Variants in ANKS1B observed in about 807,000 individuals in gnomAD.
ANKS1B encodes ankyrin repeat and sterile alpha motif domain containing 1B.
ANKS1B carries 36 observed loss-of-function variants against 148.3 expected under a neutral mutation model. That is an observed-to-expected ratio of 0.24 (90% CI 0.19 to 0.32). The LOEUF is 0.32. ANKS1B is among the 10% of genes least tolerant of loss of function. The pLI, the probability that ANKS1B is intolerant of heterozygous loss-of-function variation, is 1.00. For missense variants in ANKS1B, 1,157 were observed against 1,542.6 expected (o/e 0.75, Z 4.19); for synonymous variants, 542 against 560.8 (o/e 0.97, Z 0.47).
At chr12:98,811,508 T>C (rs1181476742) in intron 19 of ANKS1B, among the ~76,000 whole-genome samples, 2 of 152,160 alleles carry the variant, frequency 1.3e-5, no homozygotes, top group Non-Finnish European at 2.9e-5. Flanking sequence ...CAATTATGGA[T>C]ACCAAGGCCA....
At chr12:99,178,759 T>G (rs2078724033) in intron 14 of ANKS1B, among the ~76,000 whole-genome samples, 1 of 152,176 alleles carries the variant, frequency 6.6e-6, no homozygotes, top group South Asian at 2.1e-4. Flanking sequence ...CTTAAGACCA[T>G]TCATGTAATA....
At chr12:99,347,532 G>GT (rs34884719) in intron 12 of ANKS1B, among the ~76,000 whole-genome samples, 1 of 152,042 alleles carries the variant, frequency 6.6e-6, no homozygotes, top group Non-Finnish European at 1.5e-5. Context: ...ACAGAGCCCA[G>GT]TTGCAAAGAC....
At chr12:99,355,625 G>A (rs1032440008) in intron 12 of ANKS1B, among the ~76,000 whole-genome samples, 14 of 152,064 alleles carry the variant, frequency 9.2e-5, no homozygotes, top group Admixed American at 1.3e-4. Flanking sequence ...TACATTTGTC[G>A]TTTTGTCTTC....
rs185427464 is a variant in ANKS1B, at chr12:98,802,224, C to A, written c.3142-1099G>T. Among the ~76,000 whole-genome samples the A allele has an allele frequency of 3.9e-5, 6 of 152,232 alleles. No homozygotes were observed. In the East Asian group the frequency reaches 7.7e-4, roughly 20 times the overall value. ...GAGTGTAAAAAGGTCTCATAAACTC[C>A]AAAATCAAATAAAACCTTGGTTAGA... is the stretch of plus-strand genomic sequence containing the variant. On this transcript the variant is annotated intron_variant, in intron 20 of 26. Transcript: ENST00000683438.
Position 99,941,311 on chromosome 12 carries a change from A to C in ANKS1B, c.134+42793T>G, listed in dbSNP as rs116106073. Among the ~76,000 whole-genome samples the C allele has an allele frequency of 4.0e-3, 611 of 152,246 alleles. 4 individuals carry two copies. The highest frequency in any genetic ancestry group is 0.014 in the African/African-American group (580 of 41,568). ...AGATCTTTATGGAATGTAGTGACAT[A>C]ACTAGATCTGTGCTTTCAAAAGTAT... On this transcript the variant is annotated intron_variant, in intron 1 of 26. Transcript: ENST00000683438.
At chr12:99,068,075 G>A (rs2045023957) in intron 16 of ANKS1B, among the ~76,000 whole-genome samples, 1 of 151,890 alleles carries the variant, frequency 6.6e-6, no homozygotes, top group Non-Finnish European at 1.5e-5. Flanking sequence ...TGCATCATAT[G>A]TATAACATCA....
At chr12:99,843,880 A>T (rs995485761) in intron 1 of ANKS1B, among the ~76,000 whole-genome samples, 1 of 152,110 alleles carries the variant, frequency 6.6e-6, no homozygotes, top group Non-Finnish European at 1.5e-5. Flanking sequence ...CAGCAGTGTA[A>T]AAGCATTCCT....
chr12:99,316,418 C>G (rs1456536156), intron 12 of ANKS1B, among the ~76,000 whole-genome samples: 1 of 152,060 alleles, frequency 6.6e-6, no homozygotes, highest in Non-Finnish European at 1.5e-5. Context: ...TCTCTGATAC[C>G]CAGTGATGAT....
At chr12:98,777,237 T>G (rs1048795769) in intron 24 of ANKS1B, among the ~76,000 whole-genome samples, 1 of 152,154 alleles carries the variant, frequency 6.6e-6, no homozygotes, top group Non-Finnish European at 1.5e-5. Flanking sequence ...AACAGGCACT[T>G]GTTTAGGCAA....
chr12:99,118,405 C>T (rs1239814428), intron 15 of ANKS1B, among the ~76,000 whole-genome samples: 1 of 152,154 alleles, frequency 6.6e-6, no homozygotes, highest in Non-Finnish European at 1.5e-5. Flanking sequence ...GAATTGGTTA[C>T]ACTGCATATG....
chr12:98,850,458 C>CTTTT (rs1567146212), intron 17 of ANKS1B, among the ~76,000 whole-genome samples: 36 of 61,932 alleles, frequency 5.8e-4, no homozygotes, highest in East Asian at 1.9e-3. Context: ...AGAAGCATTG[C>CTTTT]ATTTTTTTTT....
chr12:99,159,285 T>G (rs1166600031), intron 14 of ANKS1B, among the ~76,000 whole-genome samples: 3 of 152,180 alleles, frequency 2.0e-5, no homozygotes, highest in African/African-American at 7.2e-5. Context: ...GTGCGTATAT[T>G]GTGTGATGTT....
intron 17 of ANKS1B, among the ~76,000 whole-genome samples, chr12:98,915,770 G>A (rs1328210129): frequency 6.6e-6 from 1 of 152,196 alleles, no homozygotes; most frequent in Non-Finnish European, 1.5e-5. Context: ...ATAAACAAGT[G>A]AATTAATCCT....
chr12:99,842,201 C>A (rs957170344), intron 1 of ANKS1B, among the ~76,000 whole-genome samples: 1 of 151,878 alleles, frequency 6.6e-6, no homozygotes, highest in South Asian at 2.1e-4. Context: ...TTTTTGTGTC[C>A]TTTTTACTCT....
chr12:99,851,157 C>G (rs2087765352), intron 1 of ANKS1B, among the ~76,000 whole-genome samples: 2 of 152,084 alleles, frequency 1.3e-5, no homozygotes, highest in African/African-American at 4.8e-5. Context: ...ATTTAGACCA[C>G]TTGAAACCCT....
chr12:99,893,746 T>A (rs967490720), intron 1 of ANKS1B, among the ~76,000 whole-genome samples: 2 of 152,232 alleles, frequency 1.3e-5, no homozygotes, highest in Admixed American at 6.5e-5. Flanking sequence ...GTTATTTGGT[T>A]TTCTGTTTCT....
intron 9 of ANKS1B, among the ~76,000 whole-genome samples, chr12:99,525,195 A>G (rs1373631705): frequency 6.6e-6 from 1 of 152,210 alleles, no homozygotes. Context: ...GGCATCACAC[A>G]GGGAGGCATG....
intron 14 of ANKS1B, among the ~76,000 whole-genome samples, chr12:99,210,052 A>G (rs985853039): frequency 6.6e-6 from 1 of 152,190 alleles, no homozygotes; most frequent in African/African-American, 2.4e-5. Flanking sequence ...GCTCCTGACC[A>G]AAATTGGCCA....
chr12:99,717,781 C>A (rs1225686635), intron 8 of ANKS1B, among the ~76,000 whole-genome samples: 1 of 112,524 alleles, frequency 8.9e-6, no homozygotes, highest in Non-Finnish European at 2.0e-5. Context: ...GCTACCCACT[C>A]CACATTACCT....
Sources: allele counts gnomAD v4.1 joint callset (sites outside exome capture counted in the v4.1 genomes callset), GRCh38; gene constraint gnomAD v4.1.1; transcripts MANE v1.5; gene names NCBI Gene and HGNC (gene_info 2026-07-23, HGNC 2026-07-21).